Variants in GALM observed in about 807,000 individuals in gnomAD.
GALM encodes aldose 1-epimerase.
In GALM, 43 loss-of-function variants were observed where a neutral mutation model predicts 37.4. That is an observed-to-expected ratio of 1.15 (90% CI 0.90 to 1.48). GALM has a LOEUF of 1.48. GALM is among the 40% of genes most tolerant of loss of function. GALM has a pLI of 0.00. For missense variants in GALM, 456 were observed against 419.1 expected, an observed-to-expected ratio of 1.09 and a Z score of -0.77; for synonymous variants, 199 against 170.6, an observed-to-expected ratio of 1.17 and a Z score of -1.30.
At chr2:38,684,446 G>C (rs1295006339) in intron 3 of GALM, among the ~76,000 whole-genome samples, 1 of 152,098 alleles carries the variant, frequency 6.6e-6, no homozygotes, top group Non-Finnish European at 1.5e-5. Flanking sequence ...GCCAAGGTGG[G>C]AGCATCACTG....
At chr2:38,696,813 A>G (rs1453230752) in intron 4 of GALM, among the ~76,000 whole-genome samples, 1 of 115,214 alleles carries the variant, frequency 8.7e-6, no homozygotes, top group Non-Finnish European at 1.7e-5. Flanking sequence ...TTTTTGAGAC[A>G]GAGTCTTGCT....
intron 3 of GALM, among the ~76,000 whole-genome samples, chr2:38,686,653 A>T (rs13382974): frequency 0.022 from 3,362 of 152,286 alleles, 111 homozygotes; most frequent in African/African-American, 0.077. Flanking sequence ...TGGATAAACA[A>T]ATTGTGATAC....
At chr2:38,733,030 G>A (rs1004568534) in intron 6 of GALM, among the ~76,000 whole-genome samples, 7 of 151,716 alleles carry the variant, frequency 4.6e-5, no homozygotes, top group South Asian at 2.1e-4. Flanking sequence ...AGACCAGCCC[G>A]GTCAACATGA....
Position 38,690,047 on chromosome 2 carries a change from G to C in GALM, c.634+153G>C, listed in dbSNP as rs143589125. 5.4e-3 allele frequency among the ~76,000 whole-genome samples: 817 copies of C among 152,310 alleles called. 1 individual carries two copies. Among genetic ancestry groups the C allele is most frequent in the Non-Finnish European group, 7.2e-3 (491 of 68,032 alleles). ...AGTGGTAATTTCTTAGTTTTGATAT[G>C]TGTACTGTGTTTATGTAAAATGTTA... On this transcript the variant is annotated intron_variant, in intron 4 of 6. Transcript: ENST00000272252.
At chr2:38,721,154 T>C (rs138442586) in intron 4 of GALM, among the ~76,000 whole-genome samples, 4 of 152,336 alleles carry the variant, frequency 2.6e-5, no homozygotes, top group East Asian at 3.9e-4. Context: ...GAATCTCTTA[T>C]GTAAGACAAG....
intron 4 of GALM, among the ~76,000 whole-genome samples, chr2:38,703,298 G>T (rs189477959): frequency 2.0e-5 from 3 of 149,784 alleles, no homozygotes; most frequent in Non-Finnish European, 3.0e-5. Context: ...GTAGAGACAG[G>T]TTTCTTCATG....
intron 2 of GALM, among the ~76,000 whole-genome samples, chr2:38,676,580 T>C (rs2148427234): frequency 1.3e-5 from 2 of 152,174 alleles, no homozygotes; most frequent in South Asian, 4.1e-4. Flanking sequence ...CTGGCCAACA[T>C]GGTAAAACCC....
At chr2:38,684,873 G>A (rs1260426265) in intron 3 of GALM, among the ~76,000 whole-genome samples, 2 of 152,056 alleles carry the variant, frequency 1.3e-5, no homozygotes, top group African/African-American at 4.8e-5. Flanking sequence ...ATGAAAGCAG[G>A]TCTGGGGGAA....
intron 5 of GALM, among the ~76,000 whole-genome samples, chr2:38,731,229 A>G (rs1405549922): frequency 6.6e-6 from 1 of 151,842 alleles, no homozygotes; most frequent in Non-Finnish European, 1.5e-5. Flanking sequence ...TCCATCTCAA[A>G]ACAAACAAAC....
intron 4 of GALM, among the ~76,000 whole-genome samples, chr2:38,696,121 T>C (rs1665799146): frequency 6.8e-6 from 1 of 147,304 alleles, no homozygotes; most frequent in Admixed American, 6.8e-5. Context: ...AGTGTAGAGA[T>C]TTTTTTTTTT....
At chr2:38,711,868 AT>A (rs1666178236) in intron 4 of GALM, among the ~76,000 whole-genome samples, 1 of 148,242 alleles carries the variant, frequency 6.7e-6, no homozygotes, top group African/African-American at 2.5e-5. Flanking sequence ...CATCATCATC[AT>A]CAACATCATC....
intron 4 of GALM, among the ~76,000 whole-genome samples, chr2:38,697,410 C>T (rs1254378768): frequency 6.6e-6 from 1 of 152,156 alleles, no homozygotes; most frequent in South Asian, 2.1e-4. Flanking sequence ...TCTTTAACTT[C>T]TCCCTTTTGT....
At chr2:38,675,533 TTTTTTTTTTTTGTG>T (rs1558577579) in intron 1 of GALM, among the ~76,000 whole-genome samples, 9 of 89,598 alleles carry the variant, frequency 1.0e-4, no homozygotes, top group African/African-American at 5.8e-4. Context: ...TTTGTTTTTT[TTTTTTTTTTTTGTG>T]TGTGTGTGTG....
chr2:38,681,753 G>C (rs776185102), intron 3 of GALM, among the ~76,000 whole-genome samples: 12 of 152,242 alleles, frequency 7.9e-5, no homozygotes, highest in African/African-American at 2.4e-4. Context: ...CTCCCTCTCA[G>C]AATCTAATTG....
At chr2:38,709,987 G>A (rs1666116070) in intron 4 of GALM, among the ~76,000 whole-genome samples, 1 of 152,042 alleles carries the variant, frequency 6.6e-6, no homozygotes, top group African/African-American at 2.4e-5. Flanking sequence ...AGCACAGCTG[G>A]GCTATCCTCA....
At chr2:38,687,939 C>T (rs549999321) in intron 3 of GALM, among the ~76,000 whole-genome samples, 15 of 152,000 alleles carry the variant, frequency 9.9e-5, no homozygotes, top group African/African-American at 3.1e-4. Flanking sequence ...CGGCCGGGCA[C>T]AGTGCCTCAC....
In GALM at chr2:38,708,349, C is replaced by T. The variant is rs865907408; in HGVS notation, c.634+18455C>T. ...AAATAAAAAAGAATCCTGGGCCCCA[C>T]CTCAGAGATTCTGATTCATTTGCTT... On this transcript the variant is annotated intron_variant, in intron 4 of 6. Transcript: ENST00000272252. Among the ~76,000 whole-genome samples, 33 of 152,056 alleles carry T rather than the reference C, an allele frequency of 2.2e-4. No individual in the cohort carries two copies. In the Middle Eastern group the frequency reaches 0.01, roughly 47 times the overall value.
At chr2:38,675,527 TTTTTTTTTTTTTTTTTTGTGTGTGTGTG>T (rs1243231179) in intron 1 of GALM, among the ~76,000 whole-genome samples, 6,056 of 58,232 alleles carry the variant, frequency 0.1, 227 homozygotes, top group South Asian at 0.26. Context: ...GGTTTTTTTG[TTTTTTTTTTTTTTTTTTGTGTGTGTGTG>T]TGTGTGTGTG....
At chr2:38,682,017 T>C (rs905725335) in intron 3 of GALM, among the ~76,000 whole-genome samples, 1 of 152,226 alleles carries the variant, frequency 6.6e-6, no homozygotes, top group Non-Finnish European at 1.5e-5. Context: ...TTTTTTAGCT[T>C]AATAAAGGCA....
Sources: gnomAD v4.1 joint callset for allele counts (sites outside exome capture counted in the v4.1 genomes callset) on GRCh38, gnomAD v4.1.1 for gene constraint, MANE v1.5 for transcripts, NCBI Gene and HGNC (gene_info 2026-07-23, HGNC 2026-07-21) for gene names.